Variants in PHYHIP observed in about 807,000 individuals in gnomAD.
PHYHIP encodes phytanoyl-CoA hydroxylase-interacting protein.
Under a neutral mutation model 26.1 loss-of-function variants are expected in PHYHIP, and 7 were observed. The observed-to-expected ratio is 0.27, with a 90% CI of 0.15 to 0.50. The LOEUF (loss-of-function observed/expected upper bound fraction) is 0.50. Among genes scored for constraint, PHYHIP ranks in the 20% least tolerant of loss-of-function variants. The pLI, the probability that PHYHIP is intolerant of heterozygous loss-of-function variation, is 0.98. For synonymous variants in PHYHIP, 206 were observed against 183.4 expected, an observed-to-expected ratio of 1.12 and a Z score of -1.00; for missense variants, 232 against 454.7, an observed-to-expected ratio of 0.51 and a Z score of 4.45.
intron 4 of PHYHIP, among the ~76,000 whole-genome samples, chr8:22,223,313 G>A (rs1262499049): frequency 2.0e-5 from 3 of 146,566 alleles, no homozygotes; most frequent in African/African-American, 7.7e-5. Flanking sequence ...AGTGAGCAGA[G>A]ATCGCGCCCC....
intron 2 of PHYHIP, 67 bp from the exon 3 acceptor site, chr8:22,227,092 C>A: frequency 7.4e-7 from 1 of 1,349,054 alleles, no homozygotes; most frequent in South Asian, 1.4e-5. Context: ...CTGGGCATCA[C>A]CCCAGAATCC....
Position 22,221,671 on chromosome 8 carries a change from G to C in PHYHIP, c.675C>G (p.Phe225Leu). 6.2e-7 allele frequency: 1 copy of C among 1,612,998 alleles called. No individual in the cohort carries two copies. The highest frequency in any genetic ancestry group is 8.5e-7 in the Non-Finnish European group (1 of 1,179,616). ...NPSTNLYFAD[F>L]YCMYTAYHYA... ...AGTGGTAGGCCGTGTACATGCAGTA[G>C]AAGTCCGCAAAGTAGAGGTTGGTGC... The change falls in exon 5 of 5, where the codon TTC (phenylalanine) becomes TTG (leucine). Residue 225 changes from phenylalanine (F) to leucine (L), a missense_variant. Transcript: ENST00000454243. This position sits in a 1 kb window ranked among gnomAD's most constrained non-coding sequence, Gnocchi z 7.9.
chr8:22,221,273 A>G lies in PHYHIP; in HGVS notation c.*80T>C. 7.4e-7 allele frequency: 1 copy of G among 1,355,526 alleles called. No individual in the cohort carries two copies. The highest frequency in any genetic ancestry group is 9.9e-7 in the Non-Finnish European group (1 of 1,007,382). The allele number at this position is 1,355,526 out of a possible 1,614,324, so 84.0% of individuals were successfully genotyped here. Reference sequence around the variant, plus strand: ...GAGGGAGCAGGGGGGCAGGAGAGAGAAAGCCAGCTCCCTGAACCTGGGCTA... The same window carrying G: ...GAGGGAGCAGGGGGGCAGGAGAGAGGAAGCCAGCTCCCTGAACCTGGGCTA... On this transcript the variant is annotated 3_prime_UTR_variant, in exon 5 of 5. Transcript: ENST00000454243. This position sits in a 1 kb window ranked among gnomAD's most constrained non-coding sequence, Gnocchi z 7.9.
chr8:22,228,337 G>T lies in PHYHIP; in HGVS notation c.21C>A (p.Pro7=), dbSNP rs535197598. Reference sequence around the variant, plus strand: ...TGATGTTGTTGATCTCAATGCTGTGGGGCGTGGACAGCAGCTCCATGCTCC... The same window carrying T: ...TGATGTTGTTGATCTCAATGCTGTGTGGCGTGGACAGCAGCTCCATGCTCC... MELLST[P]HSIEINNITC... is the part of the protein sequence containing the mutation. The change falls in exon 2 of 5, where the codon CCC becomes CCA. Residue 7 remains proline (P), a synonymous_variant. Coordinates refer to ENST00000454243, the MANE Select transcript of PHYHIP (RefSeq NM_014759.5). 3.7e-6 allele frequency: 6 copies of T among 1,602,200 alleles called. No homozygotes were observed. In the African/African-American group the frequency reaches 8.0e-5, roughly 21 times the overall value.
chr8:22,227,929 C>T (rs1391737108), intron 2 of PHYHIP, among the ~76,000 whole-genome samples: 1 of 152,266 alleles, frequency 6.6e-6, no homozygotes, highest in Non-Finnish European at 1.5e-5. Context: ...TCCCTCTGTG[C>T]TAGGCGCCGG....
chr8:22,229,677 G>A (rs369839341), intron 1 of PHYHIP, among the ~76,000 whole-genome samples: 23 of 152,138 alleles, frequency 1.5e-4, no homozygotes, highest in Non-Finnish European at 2.5e-4. Flanking sequence ...CCAGTTCCTG[G>A]CACCCCTCAT....
rs1223272125 is a variant in PHYHIP at position 22,220,138 on chromosome 8, C to T, written c.*1215G>A. On this transcript the variant is annotated 3_prime_UTR_variant, in exon 5 of 5. Coordinates refer to ENST00000454243, the MANE Select transcript of PHYHIP (RefSeq NM_014759.5). ...GCCTGATGTCACCTCCATCATCCCC[C>T]AAACAGCCGGCTGCTGCTGTCAGCC... The T allele has an allele frequency of 6.6e-6, 1 of 152,574 alleles. No individual in the cohort carries two copies. The highest frequency in any genetic ancestry group is 1.9e-4 in the East Asian group (1 of 5,218). 9.5% of individuals were successfully genotyped at this position (152,574 alleles called of 1,614,324 possible).
chr8:22,229,400 T>G (rs2131933411), intron 1 of PHYHIP, among the ~76,000 whole-genome samples: 1 of 152,308 alleles, frequency 6.6e-6, no homozygotes, highest in Non-Finnish European at 1.5e-5. Flanking sequence ...AACTGCATTT[T>G]CTCTCCCCTC....
At chr8:22,230,326 G>T (rs1829841175) in intron 1 of PHYHIP, among the ~76,000 whole-genome samples, 1 of 151,862 alleles carries the variant, frequency 6.6e-6, no homozygotes, top group African/African-American at 2.4e-5. Context: ...ACCTATTCCT[G>T]CCTCTCCTTG....
At chr8:22,222,319 C>T (rs1161125718) in intron 4 of PHYHIP, among the ~76,000 whole-genome samples, 1 of 152,168 alleles carries the variant, frequency 6.6e-6, no homozygotes. Context: ...TCTCCACCTT[C>T]CTCCGTCTGG....
Position 22,224,281 on chromosome 8 carries a change from G to T in PHYHIP, c.403C>A (p.Leu135Ile). 6.2e-7 allele frequency: 1 copy of T among 1,613,054 alleles called. No homozygotes were observed. ...EKAEQIAGRM[L>I]RFSVFYRNHH... is the part of the protein sequence containing the mutation. ...TTGCGGTAGAAGACGGAGAAGCGGAGCATGCGGCCTGCGATCTGCTCAGCT... is the reference window on the plus strand; with the variant it reads ...TTGCGGTAGAAGACGGAGAAGCGGATCATGCGGCCTGCGATCTGCTCAGCT... The change falls in exon 4 of 5, where the codon CTC becomes ATC. Residue 135 changes from leucine (L) to isoleucine (I), a missense_variant. Transcript: ENST00000454243.
intron 1 of PHYHIP, among the ~76,000 whole-genome samples, chr8:22,230,972 C>A (rs138338104): frequency 6.6e-6 from 1 of 152,226 alleles, no homozygotes; most frequent in Non-Finnish European, 1.5e-5. Flanking sequence ...CCGGCACACA[C>A]ATGTGTGTTC....
chr8:22,220,876 C>G lies in PHYHIP; in HGVS notation c.*477G>C, dbSNP rs1290301862. ...GGGAAGCCCCAGAGACCCAGCTCAG[C>G]AGGGAGGGGGCATTCTGTGGTTGGC... is the stretch of plus-strand genomic sequence containing the variant. On this transcript the variant is annotated 3_prime_UTR_variant, in exon 5 of 5. Transcript: ENST00000454243. The G allele has an allele frequency of 6.4e-6, 1 of 156,220 alleles. No homozygotes were observed. The highest frequency in any genetic ancestry group is 2.4e-5 in the African/African-American group (1 of 41,478). 9.7% of individuals were successfully genotyped at this position (156,220 alleles called of 1,614,324 possible). A position where few individuals can be genotyped will look rare whatever the true frequency, so the allele number is the denominator to read the frequency against.
intron 1 of PHYHIP, among the ~76,000 whole-genome samples, chr8:22,229,660 C>T (rs550699201): frequency 6.6e-6 from 1 of 152,302 alleles, no homozygotes; most frequent in Non-Finnish European, 1.5e-5. Flanking sequence ...CAATCCCTTC[C>T]TCCAGCCCAG....
intron 3 of PHYHIP, among the ~76,000 whole-genome samples, chr8:22,225,786 G>A (rs189285759): frequency 2.1e-5 from 3 of 145,668 alleles, no homozygotes; most frequent in Middle Eastern, 3.6e-3. Flanking sequence ...GCCAGGAGGC[G>A]ACAAGAGCGA....
Position 22,221,506 on chromosome 8 carries a change from C to T in PHYHIP, c.840G>A (p.Gln280=), listed in dbSNP as rs762160522. The part of the protein sequence containing the change: ...EDGELVFRHA[Q]DLILEIIYTE... ...TGTAGATGATCTCCAGGATGAGGTC[C>T]TGGGCGTGGCGGAAGACCAGCTCCC... is the stretch of plus-strand genomic sequence containing the variant. The change falls in exon 5 of 5, where the codon CAG becomes CAA. Residue 280 remains glutamine, a synonymous_variant. Transcript: ENST00000454243. The surrounding 1 kb of genome is among the most constrained non-coding windows in gnomAD (Gnocchi z 7.9). 2 of 1,614,028 alleles carry T rather than the reference C, an allele frequency of 1.2e-6. No individual in the cohort carries two copies. The highest frequency in any genetic ancestry group is 1.1e-5 in the South Asian group (1 of 91,066).
chr8:22,228,436 C>CT, intron 1 of PHYHIP, 50 bp from the exon 2 acceptor site: 1 of 1,062,386 alleles, frequency 9.4e-7, no homozygotes, highest in South Asian at 1.5e-5. Flanking sequence ...GGCGAGCTTT[C>CT]TGGAATGTCC....
At position 22,221,256 on chromosome 8, in the gene PHYHIP, A is replaced by AG. The variant is rs1490861233; in HGVS notation, c.*96dup. On this transcript the variant is annotated 3_prime_UTR_variant, in exon 5 of 5. Coordinates refer to ENST00000454243, the MANE Select transcript of PHYHIP (RefSeq NM_014759.5). This position sits in a 1 kb window ranked among gnomAD's most constrained non-coding sequence, Gnocchi z 7.9. ...GGCAGCTGGGCAGAGTGGAGGGAGC[A>AG]GGGGGGCAGGAGAGAGAAAGCCAGC... 9.6e-6 allele frequency: 11 copies of AG among 1,151,140 alleles called. No homozygotes were observed. Among genetic ancestry groups the AG allele is most frequent in the African/African-American group, 4.6e-5 (3 of 64,706 alleles). 71.3% of individuals were successfully genotyped at this position (1,151,140 alleles called of 1,614,324 possible). A position where few individuals can be genotyped will look rare whatever the true frequency, so the allele number is the denominator to read the frequency against.
chr8:22,224,463 G>A (rs945459209), intron 3 of PHYHIP, 120 bp from the exon 4 acceptor site: 3 of 671,474 alleles, frequency 4.5e-6, no homozygotes, highest in Non-Finnish European at 8.1e-6. Context: ...AGAGCAGCAG[G>A]GGAGACTAGA....
Sources: gnomAD v4.1 joint callset for allele counts (sites outside exome capture counted in the v4.1 genomes callset) on GRCh38, gnomAD v4.1.1 for gene constraint, Gnocchi (gnomAD v3.1) non-coding constraint, MANE v1.5 for transcripts, NCBI Gene and HGNC (gene_info 2026-07-23, HGNC 2026-07-21) for gene names.